The following GALNTL6 variants were observed in gnomAD, a reference collection of about 807,000 sequenced individuals.
GALNTL6 encodes polypeptide N-acetylgalactosaminyltransferase-like 6.
Under a neutral mutation model 73.7 loss-of-function variants are expected in GALNTL6, and 46 were observed. The ratio of observed to expected loss-of-function variants is 0.62; its 90% CI spans 0.49 to 0.80. The LOEUF (loss-of-function observed/expected upper bound fraction) is 0.80, where lower values mean the gene tolerates loss of function less well. Among genes scored for constraint, GALNTL6 ranks in the 30% least tolerant of loss-of-function variants. The pLI, the probability that GALNTL6 is intolerant of heterozygous loss-of-function variation, is 0.00. For missense variants in GALNTL6, 604 were observed against 755.0 expected, an observed-to-expected ratio of 0.80 and a Z score of 2.34; for synonymous variants, 259 against 263.7, an observed-to-expected ratio of 0.98 and a Z score of 0.17.
intron 5 of GALNTL6, among the ~76,000 whole-genome samples, chr4:172,414,455 C>G (rs1744550331): frequency 6.6e-6 from 1 of 151,928 alleles, no homozygotes; most frequent in South Asian, 2.1e-4. Flanking sequence ...TTAGCATCCC[C>G]AGATGCTAAA....
intron 2 of GALNTL6, among the ~76,000 whole-genome samples, chr4:172,008,043 CAG>C (rs1312898501): frequency 2.0e-5 from 3 of 151,934 alleles, no homozygotes; most frequent in Admixed American, 1.3e-4. Context: ...CTTTATAAAA[CAG>C]AATAATTATA....
chr4:172,955,409 T>A (rs991012451), intron 10 of GALNTL6, among the ~76,000 whole-genome samples: 6 of 150,698 alleles, frequency 4.0e-5, no homozygotes, highest in Non-Finnish European at 7.4e-5. Flanking sequence ...ACCCGGGAGG[T>A]GCCACTGCAC....
intron 9 of GALNTL6, among the ~76,000 whole-genome samples, chr4:172,935,689 G>A (rs1748576961): frequency 1.3e-5 from 2 of 152,120 alleles, no homozygotes; most frequent in Admixed American, 1.3e-4. Context: ...TGGAAGAAAT[G>A]GATAAATTCC....
intron 2 of GALNTL6, among the ~76,000 whole-genome samples, chr4:171,887,443 A>G (rs745700964): frequency 1.3e-5 from 2 of 152,210 alleles, no homozygotes; most frequent in South Asian, 4.1e-4. Flanking sequence ...AGAGAGAAGT[A>G]TAGAATAAAA....
At chr4:172,074,561 T>A (rs1279555153) in intron 2 of GALNTL6, among the ~76,000 whole-genome samples, 1 of 151,828 alleles carries the variant, frequency 6.6e-6, no homozygotes, top group African/African-American at 2.4e-5. Flanking sequence ...CTTTTTTTTT[T>A]AACATTGGTT....
chr4:172,420,058 G>C (rs59758338), intron 5 of GALNTL6, among the ~76,000 whole-genome samples: 1,738 of 152,250 alleles, frequency 0.011, 33 homozygotes, highest in African/African-American at 0.039. Context: ...ACCATTATGT[G>C]CTTATTTATG....
intron 2 of GALNTL6, among the ~76,000 whole-genome samples, chr4:172,010,905 T>G (rs1314375671): frequency 6.6e-6 from 1 of 151,984 alleles, no homozygotes; most frequent in Non-Finnish European, 1.5e-5. Context: ...AGAAAGAAAA[T>G]AAGATTTGAG....
intron 2 of GALNTL6, among the ~76,000 whole-genome samples, chr4:172,226,679 G>A (rs1560978770): frequency 1.3e-5 from 2 of 151,546 alleles, no homozygotes; most frequent in African/African-American, 2.4e-5. Flanking sequence ...AGTTGGACTG[G>A]AGGATCTCTG....
intron 2 of GALNTL6, among the ~76,000 whole-genome samples, chr4:172,006,242 C>T (rs1260948379): frequency 6.6e-6 from 1 of 152,132 alleles, no homozygotes; most frequent in Admixed American, 6.6e-5. Flanking sequence ...CTGTGGAAGC[C>T]TGCACTATTT....
intron 5 of GALNTL6, among the ~76,000 whole-genome samples, chr4:172,528,322 ATATATATATATATATATATAT>A (rs1735035590): frequency 7.6e-4 from 6 of 7,920 alleles, no homozygotes; most frequent in Non-Finnish European, 1.7e-3. Context: ...GAAATAAAAT[ATATATATATATATATATATAT>A]ATATATATAT....
chr4:172,207,316 G>A (rs116823930), intron 2 of GALNTL6, among the ~76,000 whole-genome samples: 64 of 152,206 alleles, frequency 4.2e-4, no homozygotes, highest in Non-Finnish European at 8.4e-4. Context: ...TTTGTGGAGA[G>A]TGGATTATAG....
intron 2 of GALNTL6, among the ~76,000 whole-genome samples, chr4:172,058,908 A>G (rs190988579): frequency 1.5e-4 from 23 of 152,110 alleles, no homozygotes; most frequent in Admixed American, 8.5e-4. Context: ...CTCTCTTCCA[A>G]TTTACTATTT....
intron 2 of GALNTL6, among the ~76,000 whole-genome samples, chr4:172,168,205 C>G (rs1369936282): frequency 6.6e-6 from 1 of 152,068 alleles, no homozygotes; most frequent in Admixed American, 6.6e-5. Flanking sequence ...TTCCAGGTAC[C>G]ATTTGAAGAT....
At chr4:172,703,775 T>C (rs1422287413) in intron 5 of GALNTL6, among the ~76,000 whole-genome samples, 1 of 152,012 alleles carries the variant, frequency 6.6e-6, no homozygotes, top group Admixed American at 6.6e-5. Context: ...TTGGTATTAG[T>C]TCTTCTTTAA....
At chr4:172,450,737 G>C (rs1024065300) in intron 5 of GALNTL6, among the ~76,000 whole-genome samples, 27 of 152,124 alleles carry the variant, frequency 1.8e-4, no homozygotes, top group Non-Finnish European at 3.4e-4. Flanking sequence ...GAGCTAATAC[G>C]TGCATCAGAG....
intron 2 of GALNTL6, among the ~76,000 whole-genome samples, chr4:172,034,527 T>G (rs898222351): frequency 9.2e-5 from 14 of 151,992 alleles, no homozygotes; most frequent in African/African-American, 3.1e-4. Context: ...TGGTTATGTA[T>G]GAATTTTCTT....
At chr4:172,958,108 C>T (rs904288515) in intron 10 of GALNTL6, among the ~76,000 whole-genome samples, 6 of 151,934 alleles carry the variant, frequency 3.9e-5, no homozygotes, top group African/African-American at 9.7e-5. Context: ...CTGAAGGAGC[C>T]AGGGAGCAGA....
At chr4:172,561,830 A>G (rs1012985263) in intron 5 of GALNTL6, among the ~76,000 whole-genome samples, 4 of 152,300 alleles carry the variant, frequency 2.6e-5, no homozygotes, top group Non-Finnish European at 4.4e-5. Flanking sequence ...GATTCATTGT[A>G]CAGCAAACTT....
intron 2 of GALNTL6, among the ~76,000 whole-genome samples, chr4:171,823,124 G>T (rs189663312): frequency 6.6e-6 from 1 of 152,110 alleles, no homozygotes; most frequent in African/African-American, 2.4e-5. Context: ...TTGATAATTT[G>T]TCCCTGGTAT....
Sources: gnomAD v4.1 joint callset for allele counts (sites outside exome capture counted in the v4.1 genomes callset) on GRCh38, gnomAD v4.1.1 for gene constraint, MANE v1.5 for transcripts, NCBI Gene and HGNC (gene_info 2026-07-23, HGNC 2026-07-21) for gene names.